NCAM1: variants seen among roughly 807,000 people sequenced by gnomAD.
NCAM1 encodes antigen recognized by monoclonal antibody 5.1H11.
A neutral mutation model predicts 109.8 loss-of-function variants in NCAM1; 14 were observed. The observed-to-expected ratio is 0.13, with a 90% CI of 0.08 to 0.20. NCAM1 has a LOEUF of 0.20. Among genes scored for constraint, NCAM1 ranks in the 10% least tolerant of loss-of-function variants. The probability of loss-of-function intolerance (pLI) is 1.00; values close to 1 mark genes in which losing one functional copy is unlikely to be tolerated. For synonymous variants in NCAM1, 418 were observed against 442.9 expected, an observed-to-expected ratio of 0.94 and a Z score of 0.70; for missense variants, 774 against 1,109.9, an observed-to-expected ratio of 0.70 and a Z score of 4.30.
intron 17 of NCAM1, chr11:113,264,764 G>C: frequency 6.1e-6 from 6 of 985,478 alleles, no homozygotes; most frequent in Non-Finnish European, 7.2e-6. Context: ...ACATCCCAGG[G>C]TCAGGCAGGC....
rs149869583 is a variant in NCAM1 at position 113,043,849 on chromosome 11, G to A, written c.52+82185G>A. Among the ~76,000 whole-genome samples, 52 of 151,900 alleles carry A rather than the reference G, an allele frequency of 3.4e-4. No individual in the cohort carries two copies. In the East Asian group the frequency reaches 0.01, roughly 30 times the overall value. ...GCCCCCGCCTGACACAGCCTCCAGG[G>A]CCATGCTCCACCTAGCATTGTGTCA... On this transcript the variant is annotated intron_variant, in intron 1 of 19. Coordinates refer to ENST00000316851, the MANE Select transcript of NCAM1 (RefSeq NM_181351.5).
intron 1 of NCAM1, among the ~76,000 whole-genome samples, chr11:113,199,285 A>G (rs1231779444): frequency 6.6e-6 from 1 of 152,206 alleles, no homozygotes; most frequent in African/African-American, 2.4e-5. Context: ...AGGAATTTGT[A>G]TTGGGAACAA....
intron 1 of NCAM1, among the ~76,000 whole-genome samples, chr11:112,966,946 G>T (rs1357936059): frequency 6.6e-6 from 1 of 152,262 alleles, no homozygotes; most frequent in East Asian, 1.9e-4. Context: ...TAAGCTATTT[G>T]GTGTATCTTG....
At chr11:113,036,898 T>G (rs782704744) in intron 1 of NCAM1, among the ~76,000 whole-genome samples, 20 of 152,160 alleles carry the variant, frequency 1.3e-4, no homozygotes, top group Non-Finnish European at 8.8e-5. Context: ...CAGTCTTTTT[T>G]CTAATGCCCA....
chr11:113,033,836 A>G (rs1952788361), intron 1 of NCAM1, among the ~76,000 whole-genome samples: 3 of 152,214 alleles, frequency 2.0e-5, no homozygotes, highest in Admixed American at 2.0e-4. Flanking sequence ...AATCCTACAT[A>G]TCTTGTAGGG....
intron 1 of NCAM1, among the ~76,000 whole-genome samples, chr11:113,142,631 A>G (rs528675343): frequency 6.6e-6 from 1 of 151,986 alleles, no homozygotes; most frequent in Non-Finnish European, 1.5e-5. Context: ...CTCTATCCTC[A>G]CCTACCTTTG....
At chr11:113,267,986 A>G (rs1430297451) in intron 17 of NCAM1, among the ~76,000 whole-genome samples, 1 of 152,242 alleles carries the variant, frequency 6.6e-6, no homozygotes, top group African/African-American at 2.4e-5. Flanking sequence ...ACTGTCATCA[A>G]AAAAATACTT....
chr11:112,980,419 C>A (rs529002841), intron 1 of NCAM1, among the ~76,000 whole-genome samples: 177 of 151,754 alleles, frequency 1.2e-3, no homozygotes, highest in Non-Finnish European at 6.8e-4. Flanking sequence ...ATGGAAAAAA[C>A]CTAAATTTCC....
At chr11:113,128,909 GTGTGTGTGTGTGTGT>G (rs1941286015) in intron 1 of NCAM1, among the ~76,000 whole-genome samples, 8 of 110,628 alleles carry the variant, frequency 7.2e-5, no homozygotes, top group South Asian at 2.5e-4. Flanking sequence ...TTGTGAGGGT[GTGTGTGTGTGTGTGT>G]GTGTGTGTGT....
At chr11:113,124,377 A>T (rs1313958443) in intron 1 of NCAM1, among the ~76,000 whole-genome samples, 1 of 152,128 alleles carries the variant, frequency 6.6e-6, no homozygotes, top group African/African-American at 2.4e-5. Flanking sequence ...TTGGTCACCA[A>T]CATAGGGCAA....
At chr11:113,078,838 A>C (rs1555086619) in intron 1 of NCAM1, among the ~76,000 whole-genome samples, 1 of 152,056 alleles carries the variant, frequency 6.6e-6, no homozygotes, top group East Asian at 1.9e-4. Flanking sequence ...CTCGTGGCTG[A>C]TGGTCTTATT....
chr11:113,085,825 T>C (rs1437135960), intron 1 of NCAM1, among the ~76,000 whole-genome samples: 1 of 152,212 alleles, frequency 6.6e-6, no homozygotes, highest in Non-Finnish European at 1.5e-5. Context: ...TGGATACCTT[T>C]TGGGTTTCTG....
At chr11:113,132,553 C>A (rs1941431748) in intron 1 of NCAM1, among the ~76,000 whole-genome samples, 1 of 151,462 alleles carries the variant, frequency 6.6e-6, no homozygotes, top group South Asian at 2.1e-4. Context: ...CTCAGCCGCA[C>A]AGCTTTAAGG....
intron 19 of NCAM1, 131 bp downstream of exon 19, chr11:113,272,007 T>C: frequency 1.7e-6 from 1 of 598,744 alleles, no homozygotes; most frequent in Non-Finnish European, 2.7e-6. Flanking sequence ...TTCCAAACCC[T>C]TGGCCACAAG....
At chr11:113,078,483 G>T (rs1286404290) in intron 1 of NCAM1, among the ~76,000 whole-genome samples, 1 of 152,048 alleles carries the variant, frequency 6.6e-6, no homozygotes, top group African/African-American at 2.4e-5. Flanking sequence ...GCTACAGGAT[G>T]CTTGCCAAGG....
chr11:113,207,428 A>G (rs1555113060), intron 6 of NCAM1, 50 bp downstream of exon 6: 2 of 1,469,714 alleles, frequency 1.4e-6, no homozygotes, highest in East Asian at 2.3e-5. Flanking sequence ...AGAATGGGGC[A>G]TCACAAAGTC....
intron 1 of NCAM1, among the ~76,000 whole-genome samples, chr11:113,108,446 T>A (rs1292555322): frequency 1.1e-4 from 16 of 152,208 alleles, no homozygotes; most frequent in African/African-American, 3.9e-4. Flanking sequence ...TTTCCCAGAT[T>A]TAGAGAGGAA....
intron 7 of NCAM1, among the ~76,000 whole-genome samples, chr11:113,209,653 T>G (rs191276497): frequency 6.6e-6 from 1 of 152,326 alleles, no homozygotes; most frequent in Non-Finnish European, 1.5e-5. Context: ...ATAGTGTCAG[T>G]CAGCAACATT....
At chr11:113,023,840 A>G (rs1555076692) in intron 1 of NCAM1, among the ~76,000 whole-genome samples, 1 of 152,180 alleles carries the variant, frequency 6.6e-6, no homozygotes, top group East Asian at 1.9e-4. Flanking sequence ...AGCATTCAAT[A>G]AACAGTACAT....
Sources: gnomAD v4.1 joint callset for allele counts (sites outside exome capture counted in the v4.1 genomes callset) on GRCh38, gnomAD v4.1.1 for gene constraint, MANE v1.5 for transcripts, NCBI Gene and HGNC (gene_info 2026-07-23, HGNC 2026-07-21) for gene names.